HORMAD1: variants seen among roughly 807,000 people sequenced by gnomAD.
HORMAD1 encodes HORMA domain-containing protein 1.
A neutral mutation model predicts 58.2 loss-of-function variants in HORMAD1; 33 were observed. That is an observed-to-expected ratio of 0.57 (90% CI 0.43 to 0.76). The LOEUF (loss-of-function observed/expected upper bound fraction) is 0.76, where lower values mean the gene tolerates loss of function less well. Ranked by LOEUF, HORMAD1 falls within the 30% of genes least tolerant of loss-of-function variation. The pLI is 0.00. For missense variants in HORMAD1, 363 were observed against 462.0 expected, an observed-to-expected ratio of 0.79 and a Z score of 1.96; for synonymous variants, 137 against 144.6, an observed-to-expected ratio of 0.95 and a Z score of 0.38.
intron 3 of HORMAD1, among the ~76,000 whole-genome samples, chr1:150,716,036 AC>A (rs1352963722): frequency 6.6e-6 from 1 of 152,020 alleles, no homozygotes; most frequent in Non-Finnish European, 1.5e-5. Flanking sequence ...AAAATGTGGT[AC>A]AGCCATGCAA....
intron 14 of HORMAD1, among the ~76,000 whole-genome samples, chr1:150,699,669 C>T (rs771470904): frequency 3.8e-4 from 58 of 151,114 alleles, no homozygotes; most frequent in Middle Eastern, 6.8e-3. Flanking sequence ...GGACTACAGG[C>T]GTGCGCCACC....
chr1:150,712,310 G>A (rs1651928901), intron 5 of HORMAD1, among the ~76,000 whole-genome samples: 2 of 152,192 alleles, frequency 1.3e-5, no homozygotes, highest in South Asian at 4.2e-4. Flanking sequence ...CAAGTGATCT[G>A]CCAAAAATCT....
At chr1:150,703,179 C>G in intron 13 of HORMAD1, 131 bp downstream of exon 13, 1 of 607,328 alleles carries the variant, frequency 1.6e-6, no homozygotes. Context: ...ATCCTAAGCA[C>G]CTAGTAAAGT....
intron 10 of HORMAD1, among the ~76,000 whole-genome samples, chr1:150,705,103 A>G (rs903935248): frequency 6.6e-6 from 1 of 152,132 alleles, no homozygotes; most frequent in Non-Finnish European, 1.5e-5. Context: ...ACCTACAACT[A>G]CCTCATGGTT....
intron 10 of HORMAD1, among the ~76,000 whole-genome samples, chr1:150,705,080 G>GA (rs1651653930): frequency 6.6e-6 from 1 of 151,854 alleles, no homozygotes; most frequent in Non-Finnish European, 1.5e-5. Flanking sequence ...AAACAAACCA[G>GA]AAAACCCCAA....
At chr1:150,709,549 T>C (rs1461522956) in intron 7 of HORMAD1, among the ~76,000 whole-genome samples, 1 of 152,216 alleles carries the variant, frequency 6.6e-6, no homozygotes, top group Non-Finnish European at 1.5e-5. Flanking sequence ...AAGCGGGGTA[T>C]TGTCCAAGGT....
At chr1:150,704,972 G>A (rs1651650202) in intron 10 of HORMAD1, among the ~76,000 whole-genome samples, 1 of 151,892 alleles carries the variant, frequency 6.6e-6, no homozygotes, top group African/African-American at 2.4e-5. Flanking sequence ...GAACCCAGGA[G>A]GCTAGAGGTT....
chr1:150,706,634 T>C lies in HORMAD1; in HGVS notation c.723A>G (p.Leu241=), dbSNP rs777529098. ...ATGGTGTTTTTATTTGTTTTGGTGA[T>C]AGTATAGTTGAGTCAATATTTTCCA... ...ERMENIDSTI[L]SPKQIKTPFQ... is the part of the protein sequence containing the mutation. Residue 241 remains leucine, a synonymous_variant, in exon 10 of 15, where the codon CTA becomes CTG. Transcript: ENST00000361824. 1.9e-6 allele frequency: 3 copies of C among 1,613,366 alleles called. No homozygotes were observed. Among genetic ancestry groups the C allele is most frequent in the Non-Finnish European group, 2.5e-6 (3 of 1,179,422 alleles).
intron 2 of HORMAD1, among the ~76,000 whole-genome samples, chr1:150,717,595 A>G (rs966590323): frequency 6.6e-6 from 1 of 151,954 alleles, no homozygotes; most frequent in South Asian, 2.1e-4. Flanking sequence ...ACAGCTGCCT[A>G]CAACCTCCAT....
At chr1:150,715,699 G>A (rs1244956676) in intron 3 of HORMAD1, among the ~76,000 whole-genome samples, 2 of 151,974 alleles carry the variant, frequency 1.3e-5, no homozygotes, top group African/African-American at 4.8e-5. Flanking sequence ...AAAGTGCTGG[G>A]ATTACAGACG....
At chr1:150,714,256 C>G in intron 4 of HORMAD1, 135 bp from the exon 5 acceptor site, 1 of 552,990 alleles carries the variant, frequency 1.8e-6, no homozygotes, top group Middle Eastern at 4.1e-4. Flanking sequence ...TATTAACTAG[C>G]TTAAAACAAG....
At position 150,703,294 on chromosome 1, in the gene HORMAD1, C is replaced by A; in HGVS notation, c.1032+16G>T. ...TACAAGGTTACAATGGAAAACAAAC[C>A]TAAAGAGATATTTACCATTTTATTC... is the stretch of plus-strand genomic sequence containing the variant. On this transcript the variant is annotated intron_variant, in intron 13 of 14. Transcript: ENST00000361824. 7.4e-7 allele frequency: 1 copy of A among 1,346,272 alleles called. No individual in the cohort carries two copies. Among genetic ancestry groups the A allele is most frequent in the Non-Finnish European group, 1.0e-6 (1 of 955,552 alleles). 83.4% of individuals were successfully genotyped at this position (1,346,272 alleles called of 1,614,324 possible).
At position 150,717,071 on chromosome 1, in the gene HORMAD1, A is replaced by C. The variant is rs78060117; in HGVS notation, c.178+67T>G. 9,874 of 999,406 alleles carry C rather than the reference A, an allele frequency of 9.9e-3. 639 individuals are homozygous for C. The African/African-American group carries it at 0.14, about 15-fold the overall frequency. The allele number at this position is 999,406 out of a possible 1,614,324, so 61.9% of individuals were successfully genotyped here. On this transcript the variant is annotated intron_variant, in intron 3 of 14. Coordinates refer to ENST00000361824, the MANE Select transcript of HORMAD1 (RefSeq NM_032132.5). Reference sequence around the variant, plus strand: ...ATAAAATTTCTAAGTCAAAAATTATAGTTTTGGAGCAAGCAAAAATAAAAA... The same window carrying C: ...ATAAAATTTCTAAGTCAAAAATTATCGTTTTGGAGCAAGCAAAAATAAAAA...
intron 14 of HORMAD1, among the ~76,000 whole-genome samples, chr1:150,699,463 T>A (rs1651468265): frequency 6.6e-6 from 1 of 151,966 alleles, no homozygotes; most frequent in Non-Finnish European, 1.5e-5. Flanking sequence ...ATAAACAAAA[T>A]GGCCTTAGTA....
At position 150,715,895 on chromosome 1, in the gene HORMAD1, A is replaced by G. The variant is rs1016628199; in HGVS notation, c.179-1217T>C. Among the ~76,000 whole-genome samples, 47 of 151,832 alleles carry G rather than the reference A, an allele frequency of 3.1e-4. 1 individual carries two copies. Among genetic ancestry groups the G allele is most frequent in the African/African-American group, 1.1e-3 (45 of 41,492 alleles). On this transcript the variant is annotated intron_variant, in intron 3 of 14. Coordinates refer to ENST00000361824, the MANE Select transcript of HORMAD1 (RefSeq NM_032132.5). ...AAGTGCTTCTAAAGGTATTGAATAT[A>G]TATATATATGTATATATTTTAAAAC...
At chr1:150,711,956 T>C in intron 5 of HORMAD1, 103 bp from the exon 6 acceptor site, 1 of 783,990 alleles carries the variant, frequency 1.3e-6, no homozygotes, top group Non-Finnish European at 2.2e-6. Context: ...GTATTCCTAA[T>C]AACAAATAAT....
At chr1:150,707,368 C>T (rs74124974) in intron 9 of HORMAD1, among the ~76,000 whole-genome samples, 6,275 of 152,216 alleles carry the variant, frequency 0.041, 429 homozygotes, top group African/African-American at 0.14. Flanking sequence ...TTCTTTTTAA[C>T]AGCTTGTGTA....
At chr1:150,698,819 T>C in intron 14 of HORMAD1, 85 bp from the exon 15 acceptor site, 1 of 793,604 alleles carries the variant, frequency 1.3e-6, no homozygotes, top group South Asian at 2.0e-5. Context: ...ATCTGAGATT[T>C]CTCTTCTTTT....
At position 150,714,642 on chromosome 1, in the gene HORMAD1, C is replaced by A; in HGVS notation, c.215G>T (p.Cys72Phe). 1 of 1,408,920 alleles carries A rather than the reference C, an allele frequency of 7.1e-7. No homozygotes were observed. The highest frequency in any genetic ancestry group is 1.5e-5 in the South Asian group (1 of 68,142). The allele number at this position is 1,408,920 out of a possible 1,614,324, so 87.3% of individuals were successfully genotyped here. A position where few individuals can be genotyped will look rare whatever the true frequency, so the allele number is the denominator to read the frequency against. ...TTTCACTAACTGTGTAGATCCTGGG[C>A]AATTTTTATCTTCTCTCAGTATTTT... ...CVKILREDKN[C>F]PGSTQLVKWM... Residue 72 changes from cysteine (C) to phenylalanine (F), a missense_variant, in exon 4 of 15, where the codon TGC becomes TTC. By Grantham distance (205) the Cys-to-Phe change is radical (BLOSUM62 -2). Coordinates refer to ENST00000361824, the MANE Select transcript of HORMAD1 (RefSeq NM_032132.5).
Sources: allele counts gnomAD v4.1 joint callset (sites outside exome capture counted in the v4.1 genomes callset), GRCh38; gene constraint gnomAD v4.1.1; transcripts MANE v1.5; gene names NCBI Gene and HGNC (gene_info 2026-07-23, HGNC 2026-07-21).